CMPK1: variants seen among roughly 807,000 people sequenced by gnomAD.
CMPK1 encodes the protein UMP-CMP kinase.
A neutral mutation model predicts 25.7 loss-of-function variants in CMPK1; 10 were observed. The ratio of observed to expected loss-of-function variants is 0.39; its 90% CI spans 0.24 to 0.66. The LOEUF is 0.66. Ranked by LOEUF, CMPK1 falls within the 30% of genes least tolerant of loss-of-function variation. The probability of loss-of-function intolerance (pLI) is 0.48; values close to 1 mark genes in which losing one functional copy is unlikely to be tolerated. For missense variants in CMPK1, 199 were observed against 280.5 expected (o/e 0.71, Z 2.08); for synonymous variants, 106 against 101.5 (o/e 1.04, Z -0.27).
chr1:47,368,819 T>C (rs113094781), intron 2 of CMPK1, among the ~76,000 whole-genome samples: 2 of 152,160 alleles, frequency 1.3e-5, no homozygotes, highest in East Asian at 3.9e-4. Context: ...TAAAAAGCCA[T>C]GCGTGGTGGC....
intron 1 of CMPK1, chr1:47,358,799 TA>T: frequency 1.0e-6 from 1 of 984,406 alleles, no homozygotes; most frequent in African/African-American, 1.7e-5. Flanking sequence ...TATTATTATT[TA>T]GGATTCTGTC....
chr1:47,350,781 C>T (rs1228188560), intron 1 of CMPK1, among the ~76,000 whole-genome samples: 1 of 151,818 alleles, frequency 6.6e-6, no homozygotes, highest in Non-Finnish European at 1.5e-5. Flanking sequence ...GTGGCACGCA[C>T]CTGTAATCCT....
intron 4 of CMPK1, 21 bp downstream of exon 4, chr1:47,375,006 A>G: frequency 6.4e-7 from 1 of 1,570,914 alleles, no homozygotes; most frequent in Non-Finnish European, 8.8e-7. Flanking sequence ...GTTTTTACAT[A>G]CAACCACTTC....
At chr1:47,342,649 C>CTTTTTTTT (rs11334963) in intron 1 of CMPK1, among the ~76,000 whole-genome samples, 25 of 116,386 alleles carry the variant, frequency 2.1e-4, no homozygotes, top group South Asian at 3.0e-4. Flanking sequence ...TCTCTTTTTT[C>CTTTTTTTT]TTTTTTTTTT....
chr1:47,334,068 C>T lies in CMPK1; in HGVS notation c.123C>T (p.Leu41=), dbSNP rs1646376905. 3 of 1,541,132 alleles carry T rather than the reference C, an allele frequency of 1.9e-6. No homozygotes were observed. Among genetic ancestry groups the T allele is most frequent in the African/African-American group, 2.8e-5 (2 of 71,628 alleles). The part of the protein sequence containing the change: ...RLMKPLVVFV[L]GGPGAGKGTQ... Reference sequence around the variant, plus strand: ...TGAAGCCGCTGGTCGTGTTCGTCCTCGGCGGCCCCGGCGCCGGCAAGGGGA... The same window carrying T: ...TGAAGCCGCTGGTCGTGTTCGTCCTTGGCGGCCCCGGCGCCGGCAAGGGGA... The change falls in exon 1 of 6, where the codon CTC becomes CTT. Residue 41 remains leucine, a synonymous_variant. Coordinates refer to ENST00000371873, the MANE Select transcript of CMPK1 (RefSeq NM_016308.3).
chr1:47,366,371 A>C (rs751861157), intron 1 of CMPK1, among the ~76,000 whole-genome samples: 1 of 152,230 alleles, frequency 6.6e-6, no homozygotes, highest in Non-Finnish European at 1.5e-5. Flanking sequence ...GAAAATATCT[A>C]TTCTTGCTTT....
chr1:47,366,165 G>A (rs760068995), intron 1 of CMPK1, among the ~76,000 whole-genome samples: 1 of 152,152 alleles, frequency 6.6e-6, no homozygotes, highest in African/African-American at 2.4e-5. Flanking sequence ...CAGCCTAGGC[G>A]ACAGAGCAAG....
At position 47,373,086 on chromosome 1, in the gene CMPK1, C is replaced by A; in HGVS notation, c.450C>A (p.Leu150=). ...MDGKADVSFV[L]FFDCNNEICI... ...GGAAGGCAGATGTATCTTTCGTTCT[C>A]TTTTTTGACTGTAATAATGAGGTAA... The change falls in exon 3 of 6, where the codon CTC becomes CTA. Residue 150 remains leucine (L), a synonymous_variant. Transcript: ENST00000371873. 1 of 1,607,604 alleles carries A rather than the reference C, an allele frequency of 6.2e-7. No individual in the cohort carries two copies. Among genetic ancestry groups the A allele is most frequent in the Non-Finnish European group, 8.5e-7 (1 of 1,176,524 alleles).
At chr1:47,360,351 G>A (rs180708732) in intron 1 of CMPK1, among the ~76,000 whole-genome samples, 9 of 152,234 alleles carry the variant, frequency 5.9e-5, no homozygotes, top group East Asian at 3.9e-4. Context: ...TCCAGTTTAC[G>A]TTTCCTATAG....
intron 2 of CMPK1, among the ~76,000 whole-genome samples, 188 bp downstream of exon 2, chr1:47,368,803 A>T (rs549487935): frequency 1.2e-4 from 18 of 152,248 alleles, no homozygotes; most frequent in East Asian, 7.7e-4. Flanking sequence ...CTACAAAAAA[A>T]TTTTTTAAAA....
At chr1:47,364,629 T>C (rs982051471) in intron 1 of CMPK1, among the ~76,000 whole-genome samples, 1 of 148,276 alleles carries the variant, frequency 6.7e-6, no homozygotes, top group Non-Finnish European at 1.5e-5. Flanking sequence ...ATATTTATAT[T>C]TTTAATATAT....
chr1:47,344,356 G>T (rs1646467177), intron 1 of CMPK1, among the ~76,000 whole-genome samples: 1 of 152,098 alleles, frequency 6.6e-6, no homozygotes, highest in Admixed American at 6.6e-5. Flanking sequence ...CTTGTATAGG[G>T]TTACTGAAGG....
intron 1 of CMPK1, among the ~76,000 whole-genome samples, chr1:47,354,800 TGC>T (rs1386127661): frequency 6.6e-6 from 1 of 152,054 alleles, no homozygotes; most frequent in Admixed American, 6.6e-5. Context: ...TATGTCTTTG[TGC>T]ACATGTGCAA....
chr1:47,361,034 C>T (rs1163651143), intron 1 of CMPK1, among the ~76,000 whole-genome samples: 2 of 34,526 alleles, frequency 5.8e-5, no homozygotes, highest in Non-Finnish European at 1.5e-4. Context: ...GGCACATGTG[C>T]AATGGGTAAA....
chr1:47,360,390 A>G (rs914837476), intron 1 of CMPK1, among the ~76,000 whole-genome samples: 2 of 152,196 alleles, frequency 1.3e-5, no homozygotes, highest in Non-Finnish European at 2.9e-5. Flanking sequence ...ATCAGATGCT[A>G]TAATCCTCTA....
chr1:47,345,683 T>C (rs1646478489), intron 1 of CMPK1, among the ~76,000 whole-genome samples: 1 of 150,852 alleles, frequency 6.6e-6, no homozygotes, highest in Non-Finnish European at 1.5e-5. Flanking sequence ...TTAGTCAATC[T>C]CCTGACCTCG....
chr1:47,360,358 A>C (rs912296574), intron 1 of CMPK1, among the ~76,000 whole-genome samples: 1 of 152,176 alleles, frequency 6.6e-6, no homozygotes, highest in East Asian at 1.9e-4. Flanking sequence ...TACGTTTCCT[A>C]TAGGGTCCAT....
chr1:47,370,039 C>G lies in CMPK1; in HGVS notation c.318+1424C>G, dbSNP rs576190415. 2.7e-5 allele frequency among the ~76,000 whole-genome samples: 4 copies of G among 150,922 alleles called. No individual in the cohort carries two copies. In the South Asian group the frequency reaches 6.3e-4, roughly 24 times the overall value. ...ACGCCATTCTCCTGTCTCAGCCTTC[C>G]GAGTAGCTGGGAGTACAGGCGCCCG... On this transcript the variant is annotated intron_variant, in intron 2 of 5. Coordinates refer to ENST00000371873, the MANE Select transcript of CMPK1 (RefSeq NM_016308.3).
At position 47,344,471 on chromosome 1, in the gene CMPK1, T is replaced by G. The variant is rs147785127; in HGVS notation, c.171+10355T>G. On this transcript the variant is annotated intron_variant, in intron 1 of 5. Coordinates refer to ENST00000371873, the MANE Select transcript of CMPK1 (RefSeq NM_016308.3). ...AGATATGAAAGAACTTTGCAGGTAT[T>G]AAAGTTCAACTGTAAATTATTATTA... 6.7e-3 allele frequency among the ~76,000 whole-genome samples: 1,019 copies of G among 152,210 alleles called. 12 individuals are homozygous for G. Among genetic ancestry groups the G allele is most frequent in the African/African-American group, 0.023 (936 of 41,546 alleles).
Sources: gnomAD v4.1 joint callset for allele counts (sites outside exome capture counted in the v4.1 genomes callset) on GRCh38, gnomAD v4.1.1 for gene constraint, MANE v1.5 for transcripts, NCBI Gene and HGNC (gene_info 2026-07-23, HGNC 2026-07-21) for gene names.